The following KTN1 variants were observed in gnomAD, a reference collection of about 807,000 sequenced individuals.
The protein encoded by KTN1 is kinectin 1.
KTN1 carries 130 observed loss-of-function variants against 222.5 expected under a neutral mutation model. The observed-to-expected ratio is 0.58, with a 90% CI of 0.51 to 0.68. KTN1 has a LOEUF of 0.68. Among genes scored for constraint, KTN1 ranks in the 30% least tolerant of loss-of-function variants. The pLI, the probability that KTN1 is intolerant of heterozygous loss-of-function variation, is 0.00. For synonymous variants in KTN1, 512 were observed against 496.3 expected (o/e 1.03, Z -0.42); for missense variants, 1,508 against 1,500.4 (o/e 1.01, Z -0.08).
At chr14:55,678,561 T>A in intron 42 of KTN1, 117 bp downstream of exon 42, 2 of 669,018 alleles carry the variant, frequency 3.0e-6, no homozygotes, top group South Asian at 3.5e-5. Context: ...ATCCTGTCCC[T>A]AAAATGTAGT....
intron 43 of KTN1, chr14:55,680,703 C>A (rs779825697): frequency 8.0e-6 from 11 of 1,366,800 alleles, no homozygotes; most frequent in Non-Finnish European, 1.1e-5. Context: ...ATCCTCTGGC[C>A]TACCTTGACA....
At chr14:55,650,105 G>A (rs563172814) in intron 22 of KTN1, among the ~76,000 whole-genome samples, 24 of 151,866 alleles carry the variant, frequency 1.6e-4, no homozygotes, top group Non-Finnish European at 2.5e-4. Context: ...TATTTCTGAT[G>A]TACTTCTGAA....
intron 21 of KTN1, among the ~76,000 whole-genome samples, chr14:55,649,476 T>G (rs2042723561): frequency 6.6e-6 from 1 of 152,232 alleles, no homozygotes; most frequent in South Asian, 2.1e-4. Context: ...AGAGGCCGCC[T>G]GAAATTAGGC....
intron 5 of KTN1, 137 bp downstream of exon 5, chr14:55,619,449 TTACTTTATATATCGTA>T: frequency 1.3e-6 from 1 of 757,704 alleles, no homozygotes; most frequent in African/African-American, 1.7e-5. Flanking sequence ...CCTTCAGAAA[TTACTTTATATATCGTA>T]TTAGTCTGTT....
At chr14:55,593,446 C>CCCCCAAA (rs1555357160) in intron 1 of KTN1, among the ~76,000 whole-genome samples, 1 of 120,584 alleles carries the variant, frequency 8.3e-6, no homozygotes, top group Non-Finnish European at 1.7e-5. Flanking sequence ...ACCCCCCCCC[C>CCCCCAAA]AAAAAAAAAA....
chr14:55,643,035 G>C (rs894513876), intron 18 of KTN1, among the ~76,000 whole-genome samples: 19 of 151,758 alleles, frequency 1.3e-4, no homozygotes, highest in African/African-American at 4.6e-4. Flanking sequence ...TCAGTCTCCT[G>C]AGTAGCTGGG....
Position 55,648,837 on chromosome 14 carries a change from A to G in KTN1, c.2334A>G (p.Glu778=). 6.2e-7 allele frequency: 1 copy of G among 1,605,308 alleles called. No individual in the cohort carries two copies. The highest frequency in any genetic ancestry group is 1.1e-5 in the South Asian group (1 of 90,252). The change falls in exon 21 of 44, where the codon GAA becomes GAG. Residue 778 remains glutamate (E), a synonymous_variant. Transcript: ENST00000395314. The stretch of plus-strand genomic sequence containing the variant: ...CAGAAAATTCATCTCTGACAAAAGA[A>G]GTTCAAGACTTAAAAGCTAAGCAAA... ...IRTENSSLTK[E]VQDLKAKQND...
intron 20 of KTN1, 96 bp downstream of exon 20, chr14:55,648,211 A>T (rs1024814666): frequency 1.9e-6 from 1 of 532,930 alleles, no homozygotes; most frequent in Non-Finnish European, 3.3e-6. Context: ...TAGATCTTAA[A>T]CTTAATAGTA....
chr14:55,682,524 G>T (rs1399122883), intron 43 of KTN1: 1 of 152,118 alleles, frequency 6.6e-6, no homozygotes, highest in Admixed American at 6.6e-5. Context: ...ATAGAATCCT[G>T]TTGAGGGAGG....
intron 40 of KTN1, chr14:55,674,565 A>G (rs1440550087): frequency 6.6e-6 from 1 of 152,168 alleles, no homozygotes; most frequent in Non-Finnish European, 1.5e-5. Flanking sequence ...TGCATTGCAC[A>G]GATTAGGACT....
intron 12 of KTN1, 101 bp from the exon 13 acceptor site, chr14:55,639,080 TTATA>T (rs1255342262): frequency 1.4e-6 from 1 of 734,932 alleles, no homozygotes; most frequent in Admixed American, 2.3e-5. Flanking sequence ...TCATAACAAT[TTATA>T]TACATTAACT....
At chr14:55,610,885 G>A (rs1002682484) in intron 1 of KTN1, among the ~76,000 whole-genome samples, 2 of 152,132 alleles carry the variant, frequency 1.3e-5, no homozygotes, top group Admixed American at 6.5e-5. Context: ...AAATTACATC[G>A]CCACCCGCCC....
chr14:55,602,630 A>G (rs1217560148), intron 1 of KTN1, among the ~76,000 whole-genome samples: 3 of 149,842 alleles, frequency 2.0e-5, no homozygotes, highest in Non-Finnish European at 3.0e-5. Context: ...CGCCCATGTT[A>G]GAGTGCAGAG....
intron 6 of KTN1, 27 bp downstream of exon 6, chr14:55,628,055 T>A: frequency 7.6e-7 from 1 of 1,316,046 alleles, no homozygotes; most frequent in Non-Finnish European, 1.1e-6. Flanking sequence ...GTACGAGGGA[T>A]ATACTTCCCA....
At chr14:55,646,272 T>A (rs2042265095) in intron 18 of KTN1, among the ~76,000 whole-genome samples, 1 of 152,172 alleles carries the variant, frequency 6.6e-6, no homozygotes, top group African/African-American at 2.4e-5. Flanking sequence ...TGGTTGGTAG[T>A]TACATAATAT....
chr14:55,604,992 T>G (rs1325219409), intron 1 of KTN1, among the ~76,000 whole-genome samples: 1 of 152,212 alleles, frequency 6.6e-6, no homozygotes, highest in East Asian at 1.9e-4. Flanking sequence ...TCGTCCCATA[T>G]TTTCTTCAAA....
rs140815101 is a variant in KTN1, at chr14:55,588,744, C to T, written c.-31+8390C>T. 4.0e-4 allele frequency among the ~76,000 whole-genome samples: 61 copies of T among 152,258 alleles called. No homozygotes were observed. The East Asian group carries it at 9.8e-3, about 25-fold the overall frequency. On this transcript the variant is annotated intron_variant, in intron 1 of 43. Transcript: ENST00000395314. The stretch of plus-strand genomic sequence containing the variant: ...TTACATTTCCATCTATTGCAAATGG[C>T]ACCATGTACAGTAACCATATAGGGT...
intron 10 of KTN1, among the ~76,000 whole-genome samples, 183 bp downstream of exon 10, chr14:55,636,719 C>A (rs1309717491): frequency 6.6e-6 from 1 of 152,058 alleles, no homozygotes; most frequent in East Asian, 1.9e-4. Context: ...AAGTTACCTA[C>A]TAGCTTTGCC....
intron 6 of KTN1, 30 bp from the exon 7 acceptor site, chr14:55,629,927 A>C: frequency 7.0e-7 from 1 of 1,428,036 alleles, no homozygotes; most frequent in Non-Finnish European, 9.8e-7. Context: ...TTAAATAACA[A>C]GTTTTTAAAT....
Sources: gnomAD v4.1 joint callset for allele counts (sites outside exome capture counted in the v4.1 genomes callset) on GRCh38, gnomAD v4.1.1 for gene constraint, MANE v1.5 for transcripts, NCBI Gene and HGNC (gene_info 2026-07-23, HGNC 2026-07-21) for gene names.